Variants in ZDHHC15 observed in about 807,000 individuals in gnomAD.
The protein encoded by ZDHHC15 is palmitoyltransferase ZDHHC15.
Under a neutral mutation model 31.7 loss-of-function variants are expected in ZDHHC15, and 19 were observed. The observed-to-expected ratio is 0.60, with a 90% CI of 0.42 to 0.88. The LOEUF is 0.88. Among genes scored for constraint, ZDHHC15 ranks in the 40% least tolerant of loss-of-function variants. The pLI is 0.00. For synonymous variants in ZDHHC15, 103 were observed against 90.0 expected, an observed-to-expected ratio of 1.14 and a Z score of -0.82; for missense variants, 209 against 251.2, an observed-to-expected ratio of 0.83 and a Z score of 1.14.
chrX:75,443,188 C>A (rs1333717582), intron 4 of ZDHHC15, among the ~76,000 whole-genome samples: 1 of 109,916 alleles, frequency 9.1e-6, no homozygotes, highest in African/African-American at 3.3e-5. Context: ...AAGCTGGAGG[C>A]ATCATGCTAC....
chrX:75,490,125 GA>G (rs1007897577), intron 2 of ZDHHC15, among the ~76,000 whole-genome samples: 1 of 111,992 alleles, frequency 8.9e-6, no homozygotes, highest in African/African-American at 3.2e-5. Context: ...TGGTGTACCT[GA>G]AAGTGACAGG....
intron 3 of ZDHHC15, among the ~76,000 whole-genome samples, chrX:75,469,750 G>C (rs1045939732): frequency 9.0e-6 from 1 of 111,293 alleles, no homozygotes; most frequent in Admixed American, 9.6e-5. Context: ...AAGTGGAATT[G>C]CTAGACCCTG....
At chrX:75,490,953 A>G (rs1275009605) in intron 2 of ZDHHC15, among the ~76,000 whole-genome samples, 31 of 111,746 alleles carry the variant, frequency 2.8e-4, no homozygotes, top group Admixed American at 1.5e-3. Flanking sequence ...TTAGAATGGC[A>G]ATCATTAAAA....
At chrX:75,513,207 C>T (rs1001937302) in intron 1 of ZDHHC15, among the ~76,000 whole-genome samples, 3 of 111,681 alleles carry the variant, frequency 2.7e-5, no homozygotes, top group Non-Finnish European at 5.6e-5. Context: ...CTAGGCATTA[C>T]CATTCAGGAC....
At chrX:75,375,150 T>C (rs1446920785) in intron 11 of ZDHHC15, among the ~76,000 whole-genome samples, 2 of 111,801 alleles carry the variant, frequency 1.8e-5, no homozygotes, top group Admixed American at 9.5e-5. Context: ...TGTTTCCAAG[T>C]TGCACTCAAA....
At position 75,431,503 on chromosome X, in the gene ZDHHC15, G is replaced by A. The variant is rs775277194; in HGVS notation, c.397C>T (p.Arg133Trp). The A allele has an allele frequency of 5.0e-6, 6 of 1,205,882 alleles. No homozygotes were observed. The highest frequency in any genetic ancestry group is 3.5e-5 in the African/African-American group (2 of 56,541). ...TGSGAVRFCDRCHLIKPDRCH... is the reference protein window; with the variant it reads ...TGSGAVRFCDWCHLIKPDRCH... ...CGGTCTGGCTTGATCAGATGACACC[G>A]GTCACAGAATCGTACAGCTATAAAA... is the stretch of plus-strand genomic sequence containing the variant. Residue 133 changes from arginine (R) to tryptophan (W), a missense_variant, in exon 5 of 12, where the codon CGG becomes TGG. By Grantham distance (101) the Arg-to-Trp change is moderately radical (BLOSUM62 -3). Coordinates refer to ENST00000373367, the MANE Select transcript of ZDHHC15 (RefSeq NM_144969.3).
chrX:75,411,578 T>C (rs2083486449), intron 10 of ZDHHC15, among the ~76,000 whole-genome samples: 1 of 112,628 alleles, frequency 8.9e-6, no homozygotes, highest in Non-Finnish European at 1.9e-5. Context: ...AGATAAATAT[T>C]TAAAGTGATA....
chrX:75,505,664 C>T (rs2085147088), intron 2 of ZDHHC15, among the ~76,000 whole-genome samples, 157 bp downstream of exon 2: 1 of 111,426 alleles, frequency 9.0e-6, no homozygotes, highest in Admixed American at 9.6e-5. Context: ...TTTTCTCTAT[C>T]TCTGTGTAAG....
chrX:75,468,445 C>T (rs776070779), intron 3 of ZDHHC15, among the ~76,000 whole-genome samples: 1 of 112,167 alleles, frequency 8.9e-6, no homozygotes, highest in East Asian at 2.8e-4. Context: ...GGACATACAA[C>T]ACCTTCATTA....
chrX:75,518,046 A>G lies in ZDHHC15; in HGVS notation c.136+4843T>C, dbSNP rs958750634. On this transcript the variant is annotated intron_variant, in intron 1 of 11. Coordinates refer to ENST00000373367, the MANE Select transcript of ZDHHC15 (RefSeq NM_144969.3). ...ACCAACCAACCAACCAAACAAAAAA[A>G]TCCCACAGGGGTAAATCTTTATGCT... Among the ~76,000 whole-genome samples the G allele has an allele frequency of 1.7e-4, 19 of 111,473 alleles. No individual in the cohort carries two copies. In the Admixed American group the frequency reaches 1.8e-3, roughly 11 times the overall value.
chrX:75,443,921 C>T (rs745739731), intron 4 of ZDHHC15, among the ~76,000 whole-genome samples: 1 of 111,022 alleles, frequency 9.0e-6, no homozygotes, highest in African/African-American at 3.3e-5. Flanking sequence ...CAATGAGATA[C>T]CATCTCACAC....
intron 9 of ZDHHC15, among the ~76,000 whole-genome samples, 182 bp from the exon 10 acceptor site, chrX:75,417,372 CTTAT>C (rs1254097906): frequency 8.9e-6 from 1 of 111,913 alleles, no homozygotes; most frequent in Non-Finnish European, 1.9e-5. Context: ...ATTTCCATAT[CTTAT>C]TTGTGTGTCT....
At position 75,417,225 on chromosome X, in the gene ZDHHC15, C is replaced by T. The variant is rs374379875; in HGVS notation, c.864-35G>A. 255 of 1,001,492 alleles carry T rather than the reference C, an allele frequency of 2.5e-4. No individual in the cohort carries two copies. In the South Asian group the frequency reaches 5.0e-3, roughly 20 times the overall value. 82.5% of individuals were successfully genotyped at this position (1,001,492 alleles called of 1,213,427 possible). A position where few individuals can be genotyped will look rare whatever the true frequency, so the allele number is the denominator to read the frequency against. On this transcript the variant is annotated intron_variant, in intron 9 of 11. Coordinates refer to ENST00000373367, the MANE Select transcript of ZDHHC15 (RefSeq NM_144969.3). Reference sequence around the variant, plus strand: ...AAAGAAAGGCAGTGACCTATTGCAGCTGACATAGACTTTTGTGAAGGTTAT... The same window carrying T: ...AAAGAAAGGCAGTGACCTATTGCAGTTGACATAGACTTTTGTGAAGGTTAT...
At chrX:75,444,462 C>T (rs1602635379) in intron 4 of ZDHHC15, among the ~76,000 whole-genome samples, 1 of 64,522 alleles carries the variant, frequency 1.5e-5, no homozygotes, top group African/African-American at 7.5e-5. Flanking sequence ...ACACCAGGGC[C>T]TGTCGTGGGG....
intron 4 of ZDHHC15, among the ~76,000 whole-genome samples, chrX:75,441,782 C>T (rs1320399058): frequency 2.7e-5 from 3 of 110,038 alleles, no homozygotes; most frequent in Non-Finnish European, 5.7e-5. Context: ...CGCCACTGCG[C>T]ACGGCTAATT....
intron 10 of ZDHHC15, among the ~76,000 whole-genome samples, chrX:75,410,201 T>TA (rs1279407341): frequency 9.1e-6 from 1 of 110,462 alleles, no homozygotes; most frequent in Non-Finnish European, 1.9e-5. Flanking sequence ...AAAGCAAAAA[T>TA]AGACAATTGG....
rs768754103 is a variant in ZDHHC15 at position 75,464,369 on chromosome X, G to T, written c.259-13447C>A. On this transcript the variant is annotated intron_variant, in intron 3 of 11. Coordinates refer to ENST00000373367, the MANE Select transcript of ZDHHC15 (RefSeq NM_144969.3). Reference sequence around the variant, plus strand: ...TTAATGGGTGCAGCACACCAACATGGCACATGTATACATATGTAACAAACC... The same window carrying T: ...TTAATGGGTGCAGCACACCAACATGTCACATGTATACATATGTAACAAACC... Among the ~76,000 whole-genome samples the T allele has an allele frequency of 4.5e-5, 5 of 110,648 alleles. No individual in the cohort carries two copies. The South Asian group carries it at 1.9e-3, about 42-fold the overall frequency.
Position 75,515,749 on chromosome X carries a change from G to A in ZDHHC15, c.136+7140C>T, listed in dbSNP as rs191890974. On this transcript the variant is annotated intron_variant, in intron 1 of 11. Transcript: ENST00000373367. Reference sequence around the variant, plus strand: ...TTCTGGCCAGGGCAATCAGGCAGGAGAAAGAAATAAAGGGTATTCAATTAG... The same window carrying A: ...TTCTGGCCAGGGCAATCAGGCAGGAAAAAGAAATAAAGGGTATTCAATTAG... Among the ~76,000 whole-genome samples, 359 of 111,641 alleles carry A rather than the reference G, an allele frequency of 3.2e-3. 2 individuals carry two copies. Among genetic ancestry groups the A allele is most frequent in the African/African-American group, 0.011 (345 of 30,741 alleles).
At chrX:75,442,917 C>T (rs1285638006) in intron 4 of ZDHHC15, among the ~76,000 whole-genome samples, 16 of 97,953 alleles carry the variant, frequency 1.6e-4, no homozygotes, top group East Asian at 7.1e-4. Flanking sequence ...ACCCAGGAGG[C>T]GGAGCTTGCA....
Sources: gnomAD v4.1 joint callset for allele counts (sites outside exome capture counted in the v4.1 genomes callset) on GRCh38, gnomAD v4.1.1 for gene constraint, MANE v1.5 for transcripts, NCBI Gene and HGNC (gene_info 2026-07-23, HGNC 2026-07-21) for gene names.